Variants in KLHL11 observed in about 807,000 individuals in gnomAD.
KLHL11 encodes the protein kelch like family member 11.
In KLHL11, 26 loss-of-function variants were observed where a neutral mutation model predicts 56.1. The observed-to-expected ratio is 0.46, with a 90% confidence interval of 0.34 to 0.64. The LOEUF is 0.64. Ranked by LOEUF, KLHL11 falls within the 30% of genes least tolerant of loss-of-function variation. KLHL11 has a pLI of 0.01. For missense variants in KLHL11, 627 were observed against 919.4 expected (o/e 0.68, Z 4.11); for synonymous variants, 338 against 345.8 (o/e 0.98, Z 0.25).
At chr17:41,858,573 T>C (rs2048383125) in intron 1 of KLHL11, among the ~76,000 whole-genome samples, 1 of 151,780 alleles carries the variant, frequency 6.6e-6, no homozygotes, top group South Asian at 2.1e-4. Context: ...GCTAGGATTA[T>C]AGGCACCTGC....
rs527674478 is a variant in KLHL11 at position 41,853,316 on chromosome 17, G to A, written c.*424C>T. ...CTCCTGCAGATGAGGGCTCAATGCAGAAGTCAGATCTTGCCAAAACCAATC... is the reference window on the plus strand; with the variant it reads ...CTCCTGCAGATGAGGGCTCAATGCAAAAGTCAGATCTTGCCAAAACCAATC... On this transcript the variant is annotated 3_prime_UTR_variant, in exon 2 of 2. Transcript: ENST00000319121. Among the ~76,000 whole-genome samples the A allele has an allele frequency of 1.3e-5, 2 of 152,314 alleles. No individual in the cohort carries two copies. Among genetic ancestry groups the A allele is most frequent in the South Asian group, 2.1e-4 (1 of 4,832 alleles).
Position 41,854,793 on chromosome 17 carries a change from C to T in KLHL11, c.1074G>A (p.Met358Ile), listed in dbSNP as rs2048354757. The change falls in exon 2 of 2, where the codon ATG (methionine) becomes ATA (isoleucine). Residue 358 changes from methionine to isoleucine, a missense_variant. This residue lies in a region of KLHL11 where 106 missense variants were observed against 227.0 expected (regional missense o/e 0.47). Coordinates refer to ENST00000319121, the MANE Select transcript of KLHL11 (RefSeq NM_018143.3). The surrounding 1 kb of genome is among the most constrained non-coding windows in gnomAD (Gnocchi z 4.9). ...CACCTCCAATAACCATGATCACATC[C>T]ATGTTTTGCCCATAACGAGGCAATA... ...VSLLPRYGQNMDVIMVIGGVS... is the reference protein window; with the variant it reads ...VSLLPRYGQNIDVIMVIGGVS... 1.2e-6 allele frequency: 2 copies of T among 1,614,178 alleles called. No individual in the cohort carries two copies. Among genetic ancestry groups the T allele is most frequent in the Non-Finnish European group, 1.7e-6 (2 of 1,180,026 alleles).
chr17:41,858,827 GC>G (rs1555622814), intron 1 of KLHL11, among the ~76,000 whole-genome samples: 1 of 151,874 alleles, frequency 6.6e-6, no homozygotes, highest in East Asian at 1.9e-4. Flanking sequence ...CAAGCAATCT[GC>G]CCACTTTAGT....
In KLHL11 at chr17:41,852,122, C is replaced by G. The variant is rs1222041893; in HGVS notation, c.*1618G>C. ...TCAACCTTCCCAGGCTCTGGTGATC[C>G]TCCCACCTTGGCTTCAAGTAGGAAG... On this transcript the variant is annotated 3_prime_UTR_variant, in exon 2 of 2. Coordinates refer to ENST00000319121, the MANE Select transcript of KLHL11 (RefSeq NM_018143.3). Among the ~76,000 whole-genome samples the G allele has an allele frequency of 6.6e-6, 1 of 152,050 alleles. No homozygotes were observed. Among genetic ancestry groups the G allele is most frequent in the Non-Finnish European group, 1.5e-5 (1 of 68,004 alleles).
At position 41,865,408 on chromosome 17, in the gene KLHL11, C is replaced by A. The variant is rs1006353196; in HGVS notation, c.-38G>T. 3.2e-6 allele frequency: 4 copies of A among 1,245,566 alleles called. No individual in the cohort carries two copies. The highest frequency in any genetic ancestry group is 4.2e-6 in the Non-Finnish European group (4 of 945,142). The allele number at this position is 1,245,566 out of a possible 1,614,324, so 77.2% of individuals were successfully genotyped here. On this transcript the variant is annotated 5_prime_UTR_variant, in exon 1 of 2. Transcript: ENST00000319121. ...GCGCCCGGCCTCCACAGCCTCGGAA[C>A]GATGCGGCTGTTGGTACGACACAGA... is the stretch of plus-strand genomic sequence containing the variant.
At chr17:41,862,470 CG>C (rs1160234243) in intron 1 of KLHL11, among the ~76,000 whole-genome samples, 2 of 148,476 alleles carry the variant, frequency 1.3e-5, no homozygotes, top group Non-Finnish European at 3.0e-5. Context: ...TTAGTAGAGA[CG>C]GGGTTTCATC....
At chr17:41,855,843 T>G (rs190105088) in intron 1 of KLHL11, among the ~76,000 whole-genome samples, 145 of 148,166 alleles carry the variant, frequency 9.8e-4, no homozygotes, top group African/African-American at 3.4e-3. Flanking sequence ...AGCTAATTTT[T>G]GTACTTTTAG....
Position 41,851,283 on chromosome 17 carries a change from A to G in KLHL11, c.*2457T>C, listed in dbSNP as rs1173531992. ...GAAAACCACATTGTAAACTGTTAGG[A>G]ATCCTTTATATTAACTGAGCATTAA... is the stretch of plus-strand genomic sequence containing the variant. On this transcript the variant is annotated 3_prime_UTR_variant, in exon 2 of 2. Transcript: ENST00000319121. 2.0e-5 allele frequency: 3 copies of G among 152,172 alleles called. No individual in the cohort carries two copies. The highest frequency in any genetic ancestry group is 7.2e-5 in the African/African-American group (3 of 41,428). The allele number at this position is 152,172 out of a possible 1,614,324, so 9.4% of individuals were successfully genotyped here.
At position 41,852,047 on chromosome 17, in the gene KLHL11, G is replaced by A. The variant is rs529451184; in HGVS notation, c.*1693C>T. 1.2e-4 allele frequency among the ~76,000 whole-genome samples: 19 copies of A among 152,118 alleles called. No individual in the cohort carries two copies. The highest frequency in any genetic ancestry group is 4.3e-4 in the African/African-American group (18 of 41,476). ...CTTTTTAATTTTTATTTGAGACACC[G>A]TCTCTCTGTCACCCAAGGTAGAGTG... On this transcript the variant is annotated 3_prime_UTR_variant, in exon 2 of 2. Transcript: ENST00000319121.
At chr17:41,861,239 G>A (rs11079020) in intron 1 of KLHL11, among the ~76,000 whole-genome samples, 31,796 of 152,072 alleles carry the variant, frequency 0.21, 3,851 homozygotes, top group Admixed American at 0.33. Flanking sequence ...CCCATAACCT[G>A]TCTTGATGCA....
chr17:41,855,992 C>A (rs9747866), intron 1 of KLHL11, among the ~76,000 whole-genome samples: 135,308 of 150,070 alleles, frequency 0.9, 61,076 homozygotes, highest in East Asian at 1. Flanking sequence ...ATCCCCCCCC[C>A]AAAAAAAAAC....
chr17:41,865,271 C>T lies in KLHL11; in HGVS notation c.100G>A (p.Ala34Thr), dbSNP rs908132856. The T allele has an allele frequency of 1.3e-6, 2 of 1,575,282 alleles. No homozygotes were observed. Among genetic ancestry groups the T allele is most frequent in the Non-Finnish European group, 1.7e-6 (2 of 1,167,356 alleles). Residue 34 changes from alanine (A) to threonine (T), a missense_variant, in exon 1 of 2, where the codon GCA becomes ACA. Transcript: ENST00000319121. ...CCTCGGACCTCGGCGGCCAGTCCTG[C>T]CGAGCCGGCGGCGGCCGTCTCCATG... Reference protein sequence around the residue: ...ESMETAAAGSAGLAAEVRGSG... With the variant: ...ESMETAAAGSTGLAAEVRGSG...
chr17:41,854,004 A>C lies in KLHL11; in HGVS notation c.1863T>G (p.Asp621Glu). The C allele has an allele frequency of 6.2e-7, 1 of 1,614,220 alleles. No homozygotes were observed. ...VFIIGGWKNS[D>E]DIDKQYRKEA... ...CTTTCCGATACTGTTTATCAATATC[A>C]TCACTGTTTTTCCAGCCTCCTATAA... Residue 621 changes from aspartate (D) to glutamate (E), a missense_variant, in exon 2 of 2, where the codon GAT becomes GAG. Around this residue, in one of 4 missense-constraint regions of KLHL11, gnomAD observed 250 missense variants for 360.6 expected, o/e 0.69. Coordinates refer to ENST00000319121, the MANE Select transcript of KLHL11 (RefSeq NM_018143.3). This position sits in a 1 kb window ranked among gnomAD's most constrained non-coding sequence, Gnocchi z 4.9.
At chr17:41,861,955 G>A (rs2048406116) in intron 1 of KLHL11, among the ~76,000 whole-genome samples, 11 of 152,100 alleles carry the variant, frequency 7.2e-5, no homozygotes, top group Admixed American at 7.2e-4. Flanking sequence ...ATAAAGCAAG[G>A]CTTAACAGCT....
At chr17:41,856,584 C>G (rs1383407854) in intron 1 of KLHL11, among the ~76,000 whole-genome samples, 1 of 152,122 alleles carries the variant, frequency 6.6e-6, no homozygotes, top group African/African-American at 2.4e-5. Flanking sequence ...ATTGTGCTGG[C>G]AAAGTATGTT....
chr17:41,855,321 C>T lies in KLHL11; in HGVS notation c.546G>A (p.Arg182=), dbSNP rs1555622426. 1.3e-6 allele frequency: 2 copies of T among 1,524,962 alleles called. No homozygotes were observed. 94.5% of individuals were successfully genotyped at this position (1,524,962 alleles called of 1,614,324 possible). The change falls in exon 2 of 2, where the codon AGG becomes AGA. Residue 182 remains arginine (R), a splice_region_variant and synonymous_variant. Coordinates refer to ENST00000319121, the MANE Select transcript of KLHL11 (RefSeq NM_018143.3). ...ATTCTTTTAAACGAATGAGTAGGAA[C>T]CTAAAATCAAGAAAAAGAGAAAAGA... ...SVHEVLELAD[R]FLLIRLKEFC...
chr17:41,851,753 A>AC lies in KLHL11; in HGVS notation c.*1986_*1987insG, dbSNP rs1171596727. On this transcript the variant is annotated 3_prime_UTR_variant, in exon 2 of 2. Coordinates refer to ENST00000319121, the MANE Select transcript of KLHL11 (RefSeq NM_018143.3). Reference sequence around the variant, plus strand: ...AAACCCCATCTCTACCAAAAATACAAAAAAAAAATTAGCTGGGCGTGGTGG... The same window carrying AC: ...AAACCCCATCTCTACCAAAAATACAACAAAAAAAATTAGCTGGGCGTGGTGG... 6.7e-6 allele frequency among the ~76,000 whole-genome samples: 1 copy of AC among 150,024 alleles called. No individual in the cohort carries two copies. Among genetic ancestry groups the AC allele is most frequent in the Non-Finnish European group, 1.5e-5 (1 of 67,504 alleles).
At position 41,854,108 on chromosome 17, in the gene KLHL11, C is replaced by G. The variant is rs1278744277; in HGVS notation, c.1759G>C (p.Glu587Gln). The G allele has an allele frequency of 3.1e-6, 5 of 1,614,210 alleles. No homozygotes were observed. Among genetic ancestry groups the G allele is most frequent in the Non-Finnish European group, 4.2e-6 (5 of 1,180,040 alleles). ...TCTGGAGGCAAGCTTTCAAGGATCT[C>G]ATCAGACACTTGGCTGGCAATTTTT... ...VRKIASQVSD[E>Q]ILESLPPEVL... The change falls in exon 2 of 2, where the codon GAG (glutamate) becomes CAG (glutamine). Residue 587 changes from glutamate to glutamine, a missense_variant. Physicochemically the swap from Glu to Gln is conservative, Grantham distance 29 (BLOSUM62 2). Coordinates refer to ENST00000319121, the MANE Select transcript of KLHL11 (RefSeq NM_018143.3). The surrounding 1 kb of genome is among the most constrained non-coding windows in gnomAD (Gnocchi z 4.9).
At position 41,853,570 on chromosome 17, in the gene KLHL11, A is replaced by G. The variant is rs1316731641; in HGVS notation, c.*170T>C. 2 of 711,676 alleles carry G rather than the reference A, an allele frequency of 2.8e-6. No individual in the cohort carries two copies. The highest frequency in any genetic ancestry group is 3.6e-5 in the African/African-American group (2 of 55,772). 44.1% of individuals were successfully genotyped at this position (711,676 alleles called of 1,614,324 possible). A position where few individuals can be genotyped will look rare whatever the true frequency, so the allele number is the denominator to read the frequency against. On this transcript the variant is annotated 3_prime_UTR_variant, in exon 2 of 2. Coordinates refer to ENST00000319121, the MANE Select transcript of KLHL11 (RefSeq NM_018143.3). ...TTGCAAGCTAACAAAATGACCATGT[A>G]TTGAACTGAGTCTCCCATTCTTTAG...
Sources: gnomAD v4.1 joint callset for allele counts (sites outside exome capture counted in the v4.1 genomes callset) on GRCh38, gnomAD v4.1.1 for gene constraint, gnomAD v4.1.1 regional missense constraint, Gnocchi (gnomAD v3.1) non-coding constraint, MANE v1.5 for transcripts, NCBI Gene and HGNC (gene_info 2026-07-23, HGNC 2026-07-21) for gene names.